Variants in AGMO observed in about 807,000 individuals in gnomAD.
The protein encoded by AGMO is alkylglycerol monooxygenase, also known as glyceryl-ether monooxygenase.
In AGMO, 75 loss-of-function variants were observed where a neutral mutation model predicts 60.2. That is an observed-to-expected ratio of 1.25 (90% CI 1.03 to 1.51). AGMO has a LOEUF of 1.51. Ranked by LOEUF, AGMO falls within the 40% of genes most tolerant of loss-of-function variation. The probability of loss-of-function intolerance (pLI) is 0.00; values close to 1 mark genes in which losing one functional copy is unlikely to be tolerated. For missense variants in AGMO, 763 were observed against 525.5 expected (o/e 1.45, Z -4.42); for synonymous variants, 261 against 177.1 (o/e 1.47, Z -3.76).
chr7:15,199,841 T>C (rs1260249177), downstream of AGMO, among the ~76,000 whole-genome samples: 3 of 152,194 alleles, frequency 2.0e-5, no homozygotes, highest in Non-Finnish European at 4.4e-5. Context: ...CTTCTGATAC[T>C]TGAGATAGAA....
chr7:15,232,789 C>CCACA (rs1028271575), intron 12 of AGMO, among the ~76,000 whole-genome samples: 2 of 88,484 alleles, frequency 2.3e-5, no homozygotes, highest in African/African-American at 8.7e-5. Flanking sequence ...AACATGGAAA[C>CCACA]CACACACACA....
At chr7:15,185,432 C>G in the AGMO span, among the ~76,000 whole-genome samples, 1 of 145,680 alleles carries the variant, frequency 6.9e-6, no homozygotes, top group South Asian at 2.3e-4. Flanking sequence ...GAACATATTT[C>G]TGTTTCTGGT....
At chr7:15,155,631 T>C in the AGMO span, among the ~76,000 whole-genome samples, 3 of 152,030 alleles carry the variant, frequency 2.0e-5, no homozygotes, top group African/African-American at 7.2e-5. Context: ...TCTGTGTTTG[T>C]CATTTAATCT....
intron 3 of AGMO, among the ~76,000 whole-genome samples, chr7:15,478,721 GC>G (rs1478054734): frequency 2.6e-5 from 4 of 152,124 alleles, no homozygotes; most frequent in African/African-American, 9.7e-5. Context: ...TCACTCCAGG[GC>G]CAGCCAGAGA....
At chr7:15,409,519 T>C (rs940217143) in intron 5 of AGMO, among the ~76,000 whole-genome samples, 3 of 151,898 alleles carry the variant, frequency 2.0e-5, no homozygotes, top group African/African-American at 7.2e-5. Context: ...TTGATGAATA[T>C]AAAAAATTTA....
At chr7:15,421,745 T>C (rs149688066) in intron 4 of AGMO, among the ~76,000 whole-genome samples, 2 of 152,020 alleles carry the variant, frequency 1.3e-5, no homozygotes, top group Admixed American at 6.6e-5. Context: ...GGCTATTGAG[T>C]AAGATTTTGG....
intron 12 of AGMO, among the ~76,000 whole-genome samples, chr7:15,346,939 T>C (rs1040961310): frequency 6.6e-6 from 1 of 152,042 alleles, no homozygotes. Flanking sequence ...CTTTGGAGTG[T>C]AAATATAGGC....
rs577019602 is a variant in AGMO at position 15,245,634 on chromosome 7, T to A, written c.1264-44275A>T. 2.0e-5 allele frequency among the ~76,000 whole-genome samples: 3 copies of A among 152,106 alleles called. No homozygotes were observed. The East Asian group carries it at 5.8e-4, about 29-fold the overall frequency. ...CTGCAAATTGGGAGTTTCATATACA[T>A]GTTCTGAGTGCCTAAAGTTATGAAC... On this transcript the variant is annotated intron_variant, in intron 12 of 12. Coordinates refer to ENST00000342526, the MANE Select transcript of AGMO (RefSeq NM_001004320.2).
intron 12 of AGMO, among the ~76,000 whole-genome samples, chr7:15,238,180 T>C (rs1251274601): frequency 6.6e-6 from 1 of 151,966 alleles, no homozygotes; most frequent in Non-Finnish European, 1.5e-5. Flanking sequence ...TTTGAATAAC[T>C]TTTTCATAGG....
intron 12 of AGMO, among the ~76,000 whole-genome samples, chr7:15,264,838 A>G (rs999536940): frequency 6.6e-6 from 1 of 152,090 alleles, no homozygotes; most frequent in African/African-American, 2.4e-5. Flanking sequence ...TGGTGGGAAC[A>G]TAAATTAGTT....
intron 12 of AGMO, among the ~76,000 whole-genome samples, chr7:15,252,347 C>T (rs1050756135): frequency 1.3e-5 from 2 of 152,142 alleles, no homozygotes; most frequent in African/African-American, 4.8e-5. Flanking sequence ...CTGTGATATT[C>T]CTTCCCTTTG....
At chr7:15,555,292 TACACACACACACAC>T (rs58173194) in intron 2 of AGMO, among the ~76,000 whole-genome samples, 50 of 95,834 alleles carry the variant, frequency 5.2e-4, no homozygotes, top group Admixed American at 1.3e-3. Context: ...TATATATATA[TACACACACACACAC>T]ACACACACAC....
chr7:15,157,023 T>C, the AGMO span, among the ~76,000 whole-genome samples: 1 of 152,194 alleles, frequency 6.6e-6, no homozygotes, highest in African/African-American at 2.4e-5. Context: ...AGACAACAAA[T>C]AGCACCGTAG....
intron 6 of AGMO, 62 bp from the exon 7 acceptor site, chr7:15,390,967 C>A: frequency 5.9e-6 from 6 of 1,009,156 alleles, no homozygotes; most frequent in South Asian, 1.5e-5. Context: ...TGAGATACTT[C>A]CATCTTGTTT....
At chr7:15,322,725 T>TATATATAAATATATAAATATATATATAA (rs1554413755) in intron 12 of AGMO, among the ~76,000 whole-genome samples, 4 of 72,794 alleles carry the variant, frequency 5.5e-5, no homozygotes, top group African/African-American at 3.3e-4. Flanking sequence ...AATATATAAA[T>TATATATAAATATATAAATATATATATAA]ATATATATAA....
At chr7:15,463,937 G>C (rs1464284399) in intron 3 of AGMO, among the ~76,000 whole-genome samples, 1 of 152,114 alleles carries the variant, frequency 6.6e-6, no homozygotes, top group African/African-American at 2.4e-5. Flanking sequence ...CTGTAAGATT[G>C]AGAAATCACC....
intron 12 of AGMO, among the ~76,000 whole-genome samples, chr7:15,337,824 G>A (rs145498175): frequency 9.5e-4 from 145 of 152,218 alleles, no homozygotes; most frequent in African/African-American, 3.1e-3. Context: ...TTTAACCAGG[G>A]GCAGATATAT....
chr7:15,138,876 A>G, the AGMO span, among the ~76,000 whole-genome samples: 1 of 152,174 alleles, frequency 6.6e-6, no homozygotes, highest in East Asian at 1.9e-4. Flanking sequence ...AGTTCTTAAC[A>G]ATGTTATTGG....
chr7:15,364,344 C>G (rs920863348), intron 12 of AGMO, among the ~76,000 whole-genome samples: 2 of 151,902 alleles, frequency 1.3e-5, no homozygotes, highest in Non-Finnish European at 2.9e-5. Context: ...CGATATCTCC[C>G]TCTCCCTGTT....
Sources: allele counts gnomAD v4.1 joint callset (sites outside exome capture counted in the v4.1 genomes callset), GRCh38; gene constraint gnomAD v4.1.1; transcripts MANE v1.5; gene names NCBI Gene and HGNC (gene_info 2026-07-23, HGNC 2026-07-21).